The following GPC3 variants were observed in gnomAD, a reference collection of about 807,000 sequenced individuals.
The protein encoded by GPC3 is glypican 3.
GPC3 carries 3 observed loss-of-function variants against 34.4 expected under a neutral mutation model. The ratio of observed to expected loss-of-function variants is 0.09; its 90% CI spans 0.04 to 0.23. The LOEUF is 0.23. GPC3 is among the 10% of genes least tolerant of loss of function. GPC3 has a pLI of 1.00. For missense variants in GPC3, 351 were observed against 445.6 expected (o/e 0.79, Z 1.91); for synonymous variants, 177 against 174.0 (o/e 1.02, Z -0.13).
At chrX:133,962,345 G>C (rs2284128) in intron 1 of GPC3, among the ~76,000 whole-genome samples, 5,145 of 111,832 alleles carry the variant, frequency 0.046, 116 homozygotes, top group East Asian at 0.1. Flanking sequence ...GGACCCTTGA[G>C]TGATTCATCT....
chrX:133,931,653 C>T (rs2076298793), intron 2 of GPC3, among the ~76,000 whole-genome samples: 1 of 111,703 alleles, frequency 9.0e-6, no homozygotes, highest in Admixed American at 9.5e-5. Flanking sequence ...CATAGTGGCA[C>T]ATAGTAGACA....
intron 5 of GPC3, among the ~76,000 whole-genome samples, chrX:133,686,835 T>C (rs187209634): frequency 7.0e-4 from 76 of 109,038 alleles, no homozygotes; most frequent in African/African-American, 2.4e-3. Flanking sequence ...ACAATACACA[T>C]GGATGGGGCC....
chrX:133,817,325 G>T (rs1011171275), intron 2 of GPC3, among the ~76,000 whole-genome samples: 5 of 111,695 alleles, frequency 4.5e-5, no homozygotes, highest in Admixed American at 2.8e-4. Flanking sequence ...TTGTATTACA[G>T]TGATGCCAGA....
Position 133,875,832 on chromosome X carries a change from A to G in GPC3, c.337+77218T>C, listed in dbSNP as rs142914838. 4.7e-3 allele frequency among the ~76,000 whole-genome samples: 520 copies of G among 111,619 alleles called. 4 individuals are homozygous for G. The highest frequency in any genetic ancestry group is 7.2e-3 in the Admixed American group (75 of 10,466). ...AATCATCTGTTTCAAGATGCCTACC[A>G]TAACATGAACATTCTTGAGAATCTA... On this transcript the variant is annotated intron_variant, in intron 2 of 7. Transcript: ENST00000370818.
intron 1 of GPC3, 71 bp downstream of exon 1, chrX:133,985,204 T>G (rs1046116765): frequency 8.1e-6 from 9 of 1,115,761 alleles, no homozygotes; most frequent in Non-Finnish European, 1.1e-5. Flanking sequence ...GCTAGCGCGC[T>G]CAGGGTACAG....
chrX:133,651,701 C>G (rs909372121), intron 6 of GPC3, among the ~76,000 whole-genome samples: 2 of 111,737 alleles, frequency 1.8e-5, no homozygotes, highest in African/African-American at 6.5e-5. Flanking sequence ...AGTTAAGTCA[C>G]TAGCAAAAAC....
intron 6 of GPC3, among the ~76,000 whole-genome samples, chrX:133,625,759 A>G (rs1284856691): frequency 8.9e-6 from 1 of 112,102 alleles, no homozygotes; most frequent in Non-Finnish European, 1.9e-5. Context: ...TTATAGATTC[A>G]ATGCCATCCC....
intron 2 of GPC3, among the ~76,000 whole-genome samples, chrX:133,843,972 A>G (rs1482784147): frequency 2.7e-5 from 3 of 112,155 alleles, no homozygotes; most frequent in Non-Finnish European, 5.6e-5. Flanking sequence ...CTTACATAAT[A>G]GATCTCACAG....
At chrX:133,796,620 AC>A (rs898458012) in intron 2 of GPC3, among the ~76,000 whole-genome samples, 1 of 112,004 alleles carries the variant, frequency 8.9e-6, no homozygotes, top group African/African-American at 3.3e-5. Flanking sequence ...TTTCTCTAGC[AC>A]CCTCTGCCTC....
At chrX:133,651,357 A>C (rs2070600589) in intron 6 of GPC3, among the ~76,000 whole-genome samples, 1 of 110,234 alleles carries the variant, frequency 9.1e-6, no homozygotes, top group African/African-American at 3.3e-5. Flanking sequence ...CCCACCAAAA[A>C]TGGCAACAAC....
chrX:133,783,381 G>A (rs901747480), intron 2 of GPC3, among the ~76,000 whole-genome samples: 2 of 111,691 alleles, frequency 1.8e-5, no homozygotes, highest in African/African-American at 6.5e-5. Context: ...AGGTATCCTC[G>A]GGCAAATGAC....
intron 6 of GPC3, among the ~76,000 whole-genome samples, chrX:133,601,690 G>T (rs752562440): frequency 1.3e-4 from 14 of 111,785 alleles, no homozygotes; most frequent in African/African-American, 4.2e-4. Context: ...TATTTCCTTA[G>T]TAAAGATACT....
intron 2 of GPC3, among the ~76,000 whole-genome samples, chrX:133,883,916 CGTT>C (rs2076052278): frequency 9.0e-6 from 1 of 111,665 alleles, no homozygotes; most frequent in Admixed American, 9.5e-5. Context: ...TTTTCTGGCT[CGTT>C]GTCAAAGATA....
intron 3 of GPC3, among the ~76,000 whole-genome samples, chrX:133,725,783 C>A (rs1407063683): frequency 1.8e-5 from 2 of 112,043 alleles, no homozygotes; most frequent in African/African-American, 6.5e-5. Context: ...AAATGAGATT[C>A]TCACCCTTTA....
chrX:133,826,343 A>C (rs1362230836), intron 2 of GPC3, among the ~76,000 whole-genome samples: 1 of 112,030 alleles, frequency 8.9e-6, no homozygotes, highest in African/African-American at 3.2e-5. Context: ...AAAGCAATAT[A>C]ATTTTTTTAA....
chrX:133,966,876 T>C (rs2076465736), intron 1 of GPC3, among the ~76,000 whole-genome samples: 1 of 112,333 alleles, frequency 8.9e-6, no homozygotes, highest in South Asian at 3.7e-4. Context: ...TCTGAAGGAC[T>C]GGGAAGGATA....
chrX:133,544,976 C>A, intron 7 of GPC3, among the ~76,000 whole-genome samples: 1 of 111,950 alleles, frequency 8.9e-6, no homozygotes, highest in Non-Finnish European at 1.9e-5. Context: ...CCTTCCCCAG[C>A]AGTGTCATGA....
rs866302716 is a variant in GPC3 at position 133,558,005 on chromosome X, C to T, written c.1574-21712G>A. 4.5e-5 allele frequency among the ~76,000 whole-genome samples: 5 copies of T among 111,261 alleles called. No homozygotes were observed. The Middle Eastern group carries it at 0.014, about 309-fold the overall frequency. On this transcript the variant is annotated intron_variant, in intron 7 of 7. Transcript: ENST00000370818. ...GATTGATTTCTCCCAAGTGGTTCTCCCTATGCCATGCAGAAATCCGGTCGG... is the reference window on the plus strand; with the variant it reads ...GATTGATTTCTCCCAAGTGGTTCTCTCTATGCCATGCAGAAATCCGGTCGG...
At chrX:133,607,503 A>T (rs1173699786) in intron 6 of GPC3, among the ~76,000 whole-genome samples, 3 of 111,856 alleles carry the variant, frequency 2.7e-5, no homozygotes, top group Non-Finnish European at 3.8e-5. Flanking sequence ...CCTGGGCTCA[A>T]GCAATCCTCC....
Sources: allele counts gnomAD v4.1 joint callset (sites outside exome capture counted in the v4.1 genomes callset), GRCh38; gene constraint gnomAD v4.1.1; transcripts MANE v1.5; gene names NCBI Gene and HGNC (gene_info 2026-07-23, HGNC 2026-07-21).